Variants in CCDC12 observed in about 807,000 individuals in gnomAD.
The protein encoded by CCDC12 is coiled-coil domain containing 12, also known as coiled-coil domain-containing protein 12.
CCDC12 carries 28 observed loss-of-function variants against 25.7 expected under a neutral mutation model. The observed-to-expected ratio is 1.09, with a 90% CI of 0.81 to 1.50. The LOEUF (loss-of-function observed/expected upper bound fraction) is 1.50. Among genes scored for constraint, CCDC12 ranks in the 40% most tolerant of loss-of-function variants. The probability of loss-of-function intolerance (pLI) is 0.00; values close to 1 mark genes in which losing one functional copy is unlikely to be tolerated. For synonymous variants in CCDC12, 75 were observed against 87.7 expected (o/e 0.86, Z 0.81); for missense variants, 198 against 210.0 (o/e 0.94, Z 0.35).
chr3:46,979,125 G>A (rs1454063308), upstream of CCDC12, among the ~76,000 whole-genome samples: 1 of 152,228 alleles, frequency 6.6e-6, no homozygotes, highest in Non-Finnish European at 1.5e-5. Flanking sequence ...TCCTGGAGGA[G>A]GGAGGGGGAC....
chr3:46,963,730 T>C (rs529943587), intron 1 of CCDC12, among the ~76,000 whole-genome samples: 6 of 152,380 alleles, frequency 3.9e-5, no homozygotes, highest in Non-Finnish European at 7.3e-5. Flanking sequence ...GGTGCCGGGA[T>C]TGCAGATGGA....
chr3:46,945,155 C>T (rs148554561), intron 1 of CCDC12, among the ~76,000 whole-genome samples: 1 of 152,342 alleles, frequency 6.6e-6, no homozygotes, highest in Non-Finnish European at 1.5e-5. Context: ...TTTACTACCC[C>T]TTCCCTTCAA....
rs187980386 is a variant in CCDC12, at chr3:46,973,554, C to G, written c.96+3083G>C. ...AGTAATTCCACTTCTGGCTATCTAC[C>G]CAAAAGAATTTAAAGCAGATACTCA... On this transcript the variant is annotated intron_variant, in intron 1 of 6. Coordinates refer to ENST00000683445, the MANE Select transcript of CCDC12 (RefSeq NM_001277074.2). 6.6e-5 allele frequency among the ~76,000 whole-genome samples: 10 copies of G among 151,466 alleles called. No individual in the cohort carries two copies. In the East Asian group the frequency reaches 1.9e-3, roughly 29 times the overall value.
chr3:46,960,096 C>A (rs2034417994), intron 1 of CCDC12, among the ~76,000 whole-genome samples: 1 of 152,222 alleles, frequency 6.6e-6, no homozygotes, highest in Admixed American at 6.5e-5. Flanking sequence ...CTCTCCTCTG[C>A]CCCTCCTCCG....
intron 2 of CCDC12, among the ~76,000 whole-genome samples, chr3:46,935,073 G>A (rs574498675): frequency 1.3e-5 from 2 of 152,224 alleles, no homozygotes; most frequent in Non-Finnish European, 2.9e-5. Flanking sequence ...GCTGGGGTGG[G>A]AAGTCTCTCC....
At chr3:46,926,019 T>A (rs892048159) in intron 2 of CCDC12, among the ~76,000 whole-genome samples, 2 of 152,244 alleles carry the variant, frequency 1.3e-5, no homozygotes, top group African/African-American at 2.4e-5. Context: ...ATTCCCCAAG[T>A]CTGGCCCCTC....
intron 1 of CCDC12, among the ~76,000 whole-genome samples, chr3:46,955,219 T>C (rs74741566): frequency 1.3e-5 from 2 of 152,082 alleles, no homozygotes; most frequent in African/African-American, 2.4e-5. Flanking sequence ...AGTCTGTTTT[T>C]CCTGAGGAAA....
At chr3:46,974,259 A>G (rs1275694731) in intron 1 of CCDC12, among the ~76,000 whole-genome samples, 2 of 152,214 alleles carry the variant, frequency 1.3e-5, no homozygotes, top group Non-Finnish European at 2.9e-5. Context: ...TGGACATTGA[A>G]TTATACATTT....
At chr3:46,981,167 G>A (rs1461899676), upstream of CCDC12, among the ~76,000 whole-genome samples, 2 of 151,632 alleles carry the variant, frequency 1.3e-5, no homozygotes, top group East Asian at 1.9e-4. Context: ...AGCCCTGGCC[G>A]GGCACGGTGG....
intron 2 of CCDC12, among the ~76,000 whole-genome samples, chr3:46,940,299 T>C (rs2033648248): frequency 6.6e-6 from 1 of 152,174 alleles, no homozygotes; most frequent in South Asian, 2.1e-4. Flanking sequence ...GGGGAAGACC[T>C]TGTGCCTGCA....
Position 46,949,052 on chromosome 3 carries a change from T to C in CCDC12, c.97-7987A>G, listed in dbSNP as rs552466703. 2.2e-4 allele frequency among the ~76,000 whole-genome samples: 33 copies of C among 152,104 alleles called. No homozygotes were observed. In the South Asian group the frequency reaches 2.7e-3, roughly 12 times the overall value. ...ATCCTCGGTGCACAGATTCCAGAGG[T>C]CAATGACCAGACAGAAACACAGGCG... On this transcript the variant is annotated intron_variant, in intron 1 of 6. Coordinates refer to ENST00000683445, the MANE Select transcript of CCDC12 (RefSeq NM_001277074.2).
chr3:46,976,264 G>T, intron 1 of CCDC12: 2 of 1,049,920 alleles, frequency 1.9e-6, no homozygotes, highest in Non-Finnish European at 2.3e-6. Context: ...GAAGGCGGGG[G>T]TTAAAGACCA....
chr3:46,933,784 T>G (rs931601001), intron 2 of CCDC12, among the ~76,000 whole-genome samples: 2 of 152,194 alleles, frequency 1.3e-5, no homozygotes, highest in African/African-American at 4.8e-5. Flanking sequence ...TTCATGAAAG[T>G]GTATTTACCA....
At chr3:46,948,573 G>A (rs1409433628) in intron 1 of CCDC12, among the ~76,000 whole-genome samples, 1 of 152,184 alleles carries the variant, frequency 6.6e-6, no homozygotes, top group Admixed American at 6.5e-5. Context: ...CAGCCTTCAG[G>A]CATTCTAACG....
At chr3:46,974,257 G>A (rs1336352864) in intron 1 of CCDC12, among the ~76,000 whole-genome samples, 2 of 152,134 alleles carry the variant, frequency 1.3e-5, no homozygotes, top group Non-Finnish European at 2.9e-5. Context: ...TCTGGACATT[G>A]AATTATACAT....
intron 1 of CCDC12, among the ~76,000 whole-genome samples, chr3:46,942,666 G>A (rs1354853727): frequency 6.6e-6 from 1 of 152,182 alleles, no homozygotes; most frequent in East Asian, 1.9e-4. Context: ...CCCAGAGAAA[G>A]GCTTCTGTCA....
rs55730344 is a variant in CCDC12, at chr3:46,961,391, A to G, written c.96+15246T>C. On this transcript the variant is annotated intron_variant, in intron 1 of 6. Coordinates refer to ENST00000683445, the MANE Select transcript of CCDC12 (RefSeq NM_001277074.2). The stretch of plus-strand genomic sequence containing the variant: ...CCCCAGTTTGAAACAACTGACCCTG[A>G]AGCAACTATCGGAGGTAACACATAT... 2.1e-3 allele frequency among the ~76,000 whole-genome samples: 321 copies of G among 152,316 alleles called. 3 individuals are homozygous for G. Among genetic ancestry groups the G allele is most frequent in the African/African-American group, 7.4e-3 (309 of 41,562 alleles).
chr3:46,938,482 GT>G (rs2033546055), intron 2 of CCDC12, among the ~76,000 whole-genome samples: 1 of 103,908 alleles, frequency 9.6e-6, no homozygotes, highest in Non-Finnish European at 2.0e-5. Flanking sequence ...TAAAAGTAAT[GT>G]TTTGCCATAT....
upstream of CCDC12, among the ~76,000 whole-genome samples, chr3:46,977,850 C>T (rs139529978): frequency 5.2e-3 from 786 of 152,352 alleles, 6 homozygotes; most frequent in African/African-American, 0.018. Context: ...CAAGTCGCCA[C>T]AAGATTCATG....
Sources: gnomAD v4.1 joint callset for allele counts (sites outside exome capture counted in the v4.1 genomes callset) on GRCh38, gnomAD v4.1.1 for gene constraint, MANE v1.5 for transcripts, NCBI Gene and HGNC (gene_info 2026-07-23, HGNC 2026-07-21) for gene names.